ST8SIA4: variants seen among roughly 807,000 people sequenced by gnomAD.
ST8SIA4 encodes the protein ST8 alpha-N-acetyl-neuraminide alpha-2,8-sialyltransferase 4.
In ST8SIA4, 15 loss-of-function variants were observed where a neutral mutation model predicts 33.9. That is an observed-to-expected ratio of 0.44 (90% CI 0.30 to 0.68). The LOEUF is 0.68. ST8SIA4 is among the 30% of genes least tolerant of loss of function. ST8SIA4 has a pLI of 0.10. For missense variants in ST8SIA4, 321 were observed against 428.0 expected (o/e 0.75, Z 2.21); for synonymous variants, 171 against 151.2 (o/e 1.13, Z -0.96).
intron 3 of ST8SIA4, among the ~76,000 whole-genome samples, chr5:100,861,862 T>A (rs972730111): frequency 6.6e-6 from 1 of 152,218 alleles, no homozygotes; most frequent in East Asian, 1.9e-4. Flanking sequence ...TGATGGGAAC[T>A]GTACTGGGAA....
intron 4 of ST8SIA4, among the ~76,000 whole-genome samples, chr5:100,823,056 G>A (rs994051019): frequency 6.6e-5 from 10 of 152,182 alleles, no homozygotes; most frequent in Admixed American, 4.6e-4. Context: ...GTGTGAACCC[G>A]GGAGGCAGAG....
intron 3 of ST8SIA4, among the ~76,000 whole-genome samples, chr5:100,876,955 T>C (rs970168135): frequency 1.3e-5 from 2 of 152,048 alleles, no homozygotes; most frequent in African/African-American, 2.4e-5. Context: ...TTAACGTAAT[T>C]GATTAATGAA....
Position 100,859,022 on chromosome 5 carries a change from A to G in ST8SIA4, c.504-2626T>C, listed in dbSNP as rs573779585. Reference sequence around the variant, plus strand: ...ATGTCCACATGTTGCTGGTAAATTAACAACTCTGTGGTTGAGTCAGATTTT... The same window carrying G: ...ATGTCCACATGTTGCTGGTAAATTAGCAACTCTGTGGTTGAGTCAGATTTT... On this transcript the variant is annotated intron_variant, in intron 3 of 4. Coordinates refer to ENST00000231461, the MANE Select transcript of ST8SIA4 (RefSeq NM_005668.6). Among the ~76,000 whole-genome samples, 10 of 152,214 alleles carry G rather than the reference A, an allele frequency of 6.6e-5. No individual in the cohort carries two copies. The South Asian group carries it at 2.1e-3, about 32-fold the overall frequency.
intron 3 of ST8SIA4, among the ~76,000 whole-genome samples, chr5:100,879,388 A>T (rs1158423444): frequency 6.6e-6 from 1 of 152,160 alleles, no homozygotes; most frequent in Non-Finnish European, 1.5e-5. Context: ...AAGCTCATAA[A>T]AATTTGAATT....
chr5:100,818,369 T>A (rs1340636163), intron 4 of ST8SIA4, among the ~76,000 whole-genome samples: 1 of 152,114 alleles, frequency 6.6e-6, no homozygotes, highest in African/African-American at 2.4e-5. Flanking sequence ...TTTTGGGAAT[T>A]TTTTTCAAAG....
chr5:100,844,215 A>G (rs1453260766), intron 4 of ST8SIA4, among the ~76,000 whole-genome samples: 1 of 151,978 alleles, frequency 6.6e-6, no homozygotes, highest in South Asian at 2.1e-4. Flanking sequence ...TCTGGATGAA[A>G]CAGTTGTGTA....
intron 4 of ST8SIA4, among the ~76,000 whole-genome samples, chr5:100,831,390 G>T (rs1481418267): frequency 6.6e-6 from 1 of 152,038 alleles, no homozygotes; most frequent in Non-Finnish European, 1.5e-5. Flanking sequence ...TCTCCAAAAT[G>T]TAACTATAAA....
chr5:100,838,647 G>A (rs200850494), intron 4 of ST8SIA4, among the ~76,000 whole-genome samples: 1 of 91,144 alleles, frequency 1.1e-5, no homozygotes, highest in African/African-American at 2.8e-5. Flanking sequence ...CAAATTAAAA[G>A]TCACTATATT....
chr5:100,817,363 G>T (rs539144347), intron 4 of ST8SIA4, among the ~76,000 whole-genome samples: 2 of 151,914 alleles, frequency 1.3e-5, no homozygotes, highest in Non-Finnish European at 2.9e-5. Context: ...CATTTATGAT[G>T]ACCTTATTTT....
At position 100,811,853 on chromosome 5, in the gene ST8SIA4, C is replaced by T. The variant is rs745321943; in HGVS notation, c.1074G>A (p.Lys358=). 21 of 1,609,170 alleles carry T rather than the reference C, an allele frequency of 1.3e-5. No individual in the cohort carries two copies. Among genetic ancestry groups the T allele is most frequent in the Admixed American group, 5.1e-5 (3 of 59,216 alleles). ...ALKLTTGKCV[K]Q ...GTTTGTTTCAAAATGTGCTTTATTG[C>T]TTTACACACTTTCCTGTTGTCAGTT... Residue 358 remains lysine, a synonymous_variant, in exon 5 of 5, where the codon AAG becomes AAA. Coordinates refer to ENST00000231461, the MANE Select transcript of ST8SIA4 (RefSeq NM_005668.6).
chr5:100,860,017 C>G (rs1467839588), intron 3 of ST8SIA4, among the ~76,000 whole-genome samples: 1 of 152,036 alleles, frequency 6.6e-6, no homozygotes, highest in East Asian at 1.9e-4. Flanking sequence ...TTTTTTAATT[C>G]TACAACGTAT....
chr5:100,844,112 T>C (rs1466818038), intron 4 of ST8SIA4, among the ~76,000 whole-genome samples: 2 of 151,900 alleles, frequency 1.3e-5, no homozygotes, highest in African/African-American at 4.8e-5. Context: ...TCCTAAGATA[T>C]GATGGCAAGT....
chr5:100,820,488 TA>T (rs1264375952), intron 4 of ST8SIA4, among the ~76,000 whole-genome samples: 1 of 152,110 alleles, frequency 6.6e-6, no homozygotes, highest in Non-Finnish European at 1.5e-5. Context: ...AATTGACATA[TA>T]AAATTGTATA....
chr5:100,870,674 TTC>T (rs1752179435), intron 3 of ST8SIA4, among the ~76,000 whole-genome samples: 1 of 152,134 alleles, frequency 6.6e-6, no homozygotes, highest in Non-Finnish European at 1.5e-5. Context: ...ATAAAATAAT[TTC>T]TGTGTGAGGA....
At chr5:100,833,317 C>G (rs1173275396) in intron 4 of ST8SIA4, among the ~76,000 whole-genome samples, 1 of 152,026 alleles carries the variant, frequency 6.6e-6, no homozygotes, top group Non-Finnish European at 1.5e-5. Flanking sequence ...TGATGACACA[C>G]AGGGTTTTTG....
chr5:100,851,008 G>A (rs1321598493), intron 4 of ST8SIA4, among the ~76,000 whole-genome samples: 1 of 143,570 alleles, frequency 7.0e-6, no homozygotes, highest in African/African-American at 2.6e-5. Flanking sequence ...TGCCCAGGGT[G>A]GAGTGCAGTG....
chr5:100,860,785 A>G (rs547981248), intron 3 of ST8SIA4, among the ~76,000 whole-genome samples: 18 of 152,306 alleles, frequency 1.2e-4, no homozygotes, highest in African/African-American at 4.3e-4. Context: ...AAATGTCTAT[A>G]AATTCATCCT....
rs1750740022 is a variant in ST8SIA4, at chr5:100,808,535, C to T, written c.*3312G>A. ...TCAACAGCACAATAACAACCATGTT[C>T]TGTAAAGGACAAGAATATTTCACAA... is the stretch of plus-strand genomic sequence containing the variant. On this transcript the variant is annotated 3_prime_UTR_variant, in exon 5 of 5. Coordinates refer to ENST00000231461, the MANE Select transcript of ST8SIA4 (RefSeq NM_005668.6). The T allele has an allele frequency of 6.6e-6, 1 of 152,530 alleles. No individual in the cohort carries two copies. The highest frequency in any genetic ancestry group is 1.5e-5 in the Non-Finnish European group (1 of 68,038). The allele number at this position is 152,530 out of a possible 1,614,324, so 9.4% of individuals were successfully genotyped here. A position where few individuals can be genotyped will look rare whatever the true frequency, so the allele number is the denominator to read the frequency against.
chr5:100,812,177 A>G (rs377748044), intron 4 of ST8SIA4, 48 bp from the exon 5 acceptor site: 10 of 1,532,600 alleles, frequency 6.5e-6, no homozygotes, highest in Admixed American at 5.7e-5. Context: ...TTAGACACAC[A>G]TAGAGCATAT....
Sources: gnomAD v4.1 joint callset for allele counts (sites outside exome capture counted in the v4.1 genomes callset) on GRCh38, gnomAD v4.1.1 for gene constraint, MANE v1.5 for transcripts, NCBI Gene and HGNC (gene_info 2026-07-23, HGNC 2026-07-21) for gene names.